HDAC9: variants seen among roughly 807,000 people sequenced by gnomAD.
HDAC9 encodes the protein histone deacetylase 9.
HDAC9 carries 41 observed loss-of-function variants against 139.4 expected under a neutral mutation model. The ratio of observed to expected loss-of-function variants is 0.29; its 90% CI spans 0.23 to 0.38. The LOEUF (loss-of-function observed/expected upper bound fraction) is 0.38. Among genes scored for constraint, HDAC9 ranks in the 10% least tolerant of loss-of-function variants. The pLI is 1.00. For missense variants in HDAC9, 1,147 were observed against 1,297.0 expected (o/e 0.88, Z 1.78); for synonymous variants, 517 against 476.2 (o/e 1.09, Z -1.12).
intron 1 of HDAC9, among the ~76,000 whole-genome samples, chr7:18,305,047 T>A (rs894045331): frequency 2.0e-5 from 3 of 151,996 alleles, no homozygotes; most frequent in African/African-American, 7.3e-5. Flanking sequence ...AATCAGTTTT[T>A]TGCTCACACA....
intron 1 of HDAC9, among the ~76,000 whole-genome samples, chr7:18,439,769 T>A (rs183179262): frequency 1.1e-3 from 165 of 152,308 alleles, no homozygotes; most frequent in African/African-American, 3.8e-3. Flanking sequence ...CTTTAATCTC[T>A]TTCTCGCTCT....
intron 13 of HDAC9, among the ~76,000 whole-genome samples, chr7:18,731,956 G>A (rs182773672): frequency 2.0e-5 from 3 of 151,852 alleles, no homozygotes; most frequent in Admixed American, 2.0e-4. Flanking sequence ...AGACTATACT[G>A]TAAGTTTTTC....
chr7:18,173,515 T>A (rs529134021), intron 2 of HDAC9, among the ~76,000 whole-genome samples: 27 of 152,368 alleles, frequency 1.8e-4, no homozygotes, highest in African/African-American at 5.8e-4. Context: ...CTGGTTATTT[T>A]GCCAGTTAGT....
chr7:18,298,283 T>TG (rs1798277893), intron 1 of HDAC9, among the ~76,000 whole-genome samples: 1 of 151,694 alleles, frequency 6.6e-6, no homozygotes. Context: ...TTTTTATGTT[T>TG]TTTTTTTTTT....
intron 2 of HDAC9, among the ~76,000 whole-genome samples, chr7:18,262,600 TTTTGTTTG>T (rs545267522): frequency 1.3e-5 from 2 of 152,200 alleles, no homozygotes; most frequent in Admixed American, 1.3e-4. Context: ...ATAACTGTAT[TTTTGTTTG>T]TAACATTTTT....
intron 1 of HDAC9, among the ~76,000 whole-genome samples, chr7:18,301,541 T>A (rs1368636238): frequency 1.3e-5 from 2 of 152,218 alleles, no homozygotes; most frequent in Non-Finnish European, 2.9e-5. Context: ...TAATACTTTC[T>A]TTCTTATTAC....
chr7:18,684,321 C>A (rs753367331), intron 12 of HDAC9, among the ~76,000 whole-genome samples: 3 of 126,224 alleles, frequency 2.4e-5, no homozygotes, highest in Non-Finnish European at 5.2e-5. Context: ...ATTTTACTGA[C>A]AACAAAAACT....
At chr7:18,766,787 A>G (rs998959783) in intron 15 of HDAC9, among the ~76,000 whole-genome samples, 1 of 152,220 alleles carries the variant, frequency 6.6e-6, no homozygotes, top group Non-Finnish European at 1.5e-5. Context: ...AATGTATAAT[A>G]TAGACATGGA....
intron 2 of HDAC9, among the ~76,000 whole-genome samples, chr7:18,565,542 T>C (rs1563300994): frequency 6.6e-6 from 1 of 152,156 alleles, no homozygotes; most frequent in Non-Finnish European, 1.5e-5. Flanking sequence ...AAAAACAGCC[T>C]TGACTTGAAG....
intron 1 of HDAC9, among the ~76,000 whole-genome samples, chr7:18,487,272 A>G (rs904117343): frequency 6.6e-6 from 1 of 152,110 alleles, no homozygotes; most frequent in South Asian, 2.1e-4. Flanking sequence ...TAAGGGACAA[A>G]GAAGGACATT....
chr7:18,186,032 C>G (rs1463035410), intron 2 of HDAC9, among the ~76,000 whole-genome samples: 1 of 152,116 alleles, frequency 6.6e-6, no homozygotes, highest in African/African-American at 2.4e-5. Flanking sequence ...TATGTGATAT[C>G]TCATTTTATC....
At chr7:18,456,112 G>A (rs1417429789) in intron 1 of HDAC9, among the ~76,000 whole-genome samples, 1 of 152,156 alleles carries the variant, frequency 6.6e-6, no homozygotes, top group African/African-American at 2.4e-5. Context: ...TTTCCTTGCT[G>A]ATCGTATTAG....
At chr7:18,719,590 T>G (rs1461926792) in intron 12 of HDAC9, among the ~76,000 whole-genome samples, 1 of 152,190 alleles carries the variant, frequency 6.6e-6, no homozygotes, top group Non-Finnish European at 1.5e-5. Flanking sequence ...TCCACCCACC[T>G]TGGTCTCCCA....
chr7:18,908,181 C>T (rs1043570279), intron 22 of HDAC9, among the ~76,000 whole-genome samples: 3 of 151,978 alleles, frequency 2.0e-5, no homozygotes, highest in African/African-American at 7.2e-5. Context: ...CTCCCAGCCA[C>T]ATCAATTATA....
chr7:18,211,883 T>C (rs920019120), intron 2 of HDAC9, among the ~76,000 whole-genome samples: 4 of 152,084 alleles, frequency 2.6e-5, no homozygotes, highest in Non-Finnish European at 5.9e-5. Context: ...TCAGAAGTTC[T>C]GGAGGGAAGG....
chr7:18,967,180 A>G (rs1403588323), intron 24 of HDAC9, among the ~76,000 whole-genome samples: 2 of 152,244 alleles, frequency 1.3e-5, no homozygotes, highest in Non-Finnish European at 2.9e-5. Flanking sequence ...AATAAAAACT[A>G]AAACCAAAAG....
At chr7:18,365,908 ATTC>A (rs1042748895) in intron 1 of HDAC9, among the ~76,000 whole-genome samples, 4 of 151,614 alleles carry the variant, frequency 2.6e-5, no homozygotes, top group African/African-American at 9.7e-5. Context: ...TGCCTGATGA[ATTC>A]TTCTGCTGGT....
Position 18,194,220 on chromosome 7 carries a change from A to AC in HDAC9, c.25+31871_25+31872insC, listed in dbSNP as rs1365488738. Among the ~76,000 whole-genome samples the AC allele has an allele frequency of 2.0e-5, 3 of 152,212 alleles. No homozygotes were observed. In the East Asian group the frequency reaches 5.8e-4, roughly 29 times the overall value. On this transcript the variant is annotated intron_variant, in intron 2 of 12. Coordinates refer to the HDAC9 transcript ENST00000417496. ...ATATTTTGTAGTCATTTCTACTTGC[A>AC]TTCTTGATTATTAGTAGTTTTGAGC...
At chr7:18,346,719 A>T (rs1329203587) in intron 1 of HDAC9, among the ~76,000 whole-genome samples, 1 of 152,104 alleles carries the variant, frequency 6.6e-6, no homozygotes, top group African/African-American at 2.4e-5. Context: ...GGATCGAAAG[A>T]CACTTTTTTC....
Sources: gnomAD v4.1 joint callset for allele counts (sites outside exome capture counted in the v4.1 genomes callset) on GRCh38, gnomAD v4.1.1 for gene constraint, MANE v1.5 for transcripts, NCBI Gene and HGNC (gene_info 2026-07-23, HGNC 2026-07-21) for gene names.